Variants in SLC24A4 observed in about 807,000 individuals in gnomAD.
SLC24A4 encodes solute carrier family 24 member 4.
Under a neutral mutation model 79.0 loss-of-function variants are expected in SLC24A4, and 53 were observed. That is an observed-to-expected ratio of 0.67 (90% CI 0.54 to 0.84). The LOEUF is 0.84. SLC24A4 is among the 40% of genes least tolerant of loss of function. The pLI is 0.00. For synonymous variants in SLC24A4, 323 were observed against 323.8 expected, an observed-to-expected ratio of 1.00 and a Z score of 0.03; for missense variants, 731 against 822.0, an observed-to-expected ratio of 0.89 and a Z score of 1.35.
intron 2 of SLC24A4, among the ~76,000 whole-genome samples, chr14:92,334,548 T>G (rs973446145): frequency 1.3e-5 from 2 of 152,128 alleles, no homozygotes; most frequent in African/African-American, 4.8e-5. Context: ...TCTCCCTCCC[T>G]CTCTCTCTTT....
intron 2 of SLC24A4, among the ~76,000 whole-genome samples, chr14:92,423,501 G>A (rs1015138383): frequency 6.6e-6 from 1 of 152,114 alleles, no homozygotes; most frequent in Non-Finnish European, 1.5e-5. Context: ...GTCTAGTAGA[G>A]GTAAAGACAG....
intron 6 of SLC24A4, 128 bp from the exon 7 acceptor site, chr14:92,443,272 C>A (rs902919721): frequency 1.2e-6 from 1 of 805,036 alleles, no homozygotes. Context: ...AAAGAACAAG[C>A]GTGGCCTGGA....
At position 92,323,583 on chromosome 14, in the gene SLC24A4, G is replaced by A; in HGVS notation, c.-248G>A. On this transcript the variant is annotated 5_prime_UTR_variant, in exon 1 of 17. Transcript: ENST00000532405. This position sits in a 1 kb window ranked among gnomAD's most constrained non-coding sequence, Gnocchi z 4.9. ...CGTGCCGGCGTCGCCTCCTCGCCAC[G>A]GAGCCATGGTGCGCGCAGCGCGCAC... 3.1e-6 allele frequency: 1 copy of A among 326,632 alleles called. No homozygotes were observed. The highest frequency in any genetic ancestry group is 5.5e-6 in the Non-Finnish European group (1 of 182,854). 20.2% of individuals were successfully genotyped at this position (326,632 alleles called of 1,614,324 possible).
intron 2 of SLC24A4, among the ~76,000 whole-genome samples, chr14:92,408,166 AGT>A (rs143375295): frequency 0.054 from 7,416 of 136,600 alleles, 345 homozygotes; most frequent in African/African-American, 0.14. Flanking sequence ...TTGCTACAGC[AGT>A]GTGTGTGTGT....
At chr14:92,408,202 T>TGTGTGTGTGTGTG (rs33968349) in intron 2 of SLC24A4, among the ~76,000 whole-genome samples, 34 of 151,516 alleles carry the variant, frequency 2.2e-4, no homozygotes, top group South Asian at 6.3e-4. Flanking sequence ...TGTGTGTGTG[T>TGTGTGTGTGTGTG]TTCACATCCA....
At chr14:92,386,954 A>G (rs1400600069) in intron 2 of SLC24A4, among the ~76,000 whole-genome samples, 2 of 151,958 alleles carry the variant, frequency 1.3e-5, no homozygotes, top group Non-Finnish European at 2.9e-5. Flanking sequence ...ATGCACTTCA[A>G]CCTTGACCTT....
intron 2 of SLC24A4, among the ~76,000 whole-genome samples, chr14:92,431,832 C>T (rs929197558): frequency 3.3e-5 from 5 of 152,184 alleles, no homozygotes; most frequent in Admixed American, 6.5e-5. Flanking sequence ...CAAGCTCATG[C>T]GTAGTCGAGC....
At chr14:92,338,942 G>A (rs963790123) in intron 2 of SLC24A4, among the ~76,000 whole-genome samples, 1 of 152,198 alleles carries the variant, frequency 6.6e-6, no homozygotes, top group Non-Finnish European at 1.5e-5. Flanking sequence ...TCTGCTTATA[G>A]CGAATGATGA....
At chr14:92,491,199 A>G (rs1465027540) in intron 14 of SLC24A4, among the ~76,000 whole-genome samples, 1 of 152,228 alleles carries the variant, frequency 6.6e-6, no homozygotes, top group Non-Finnish European at 1.5e-5. Context: ...TATTTTTTCA[A>G]TAACTGTGAC....
At chr14:92,411,080 G>C (rs1234354022) in intron 2 of SLC24A4, among the ~76,000 whole-genome samples, 2 of 152,150 alleles carry the variant, frequency 1.3e-5, no homozygotes, top group African/African-American at 4.8e-5. Context: ...AGCCCTCTCA[G>C]TTACAAATGA....
At chr14:92,431,304 T>C (rs1891856750) in intron 2 of SLC24A4, among the ~76,000 whole-genome samples, 2 of 152,140 alleles carry the variant, frequency 1.3e-5, no homozygotes, top group Non-Finnish European at 2.9e-5. Flanking sequence ...TCTCCATTCG[T>C]AGGTGAGGGA....
intron 2 of SLC24A4, among the ~76,000 whole-genome samples, chr14:92,388,616 T>A (rs1208863198): frequency 6.6e-6 from 1 of 152,222 alleles, no homozygotes; most frequent in South Asian, 2.1e-4. Context: ...TTTGTATAGT[T>A]GTGGGGCAGG....
chr14:92,370,625 A>T (rs1218480025), intron 2 of SLC24A4, among the ~76,000 whole-genome samples: 1 of 152,212 alleles, frequency 6.6e-6, no homozygotes, highest in Non-Finnish European at 1.5e-5. Flanking sequence ...GTGAGATAGG[A>T]AGGTTCAAAA....
chr14:92,483,796 C>G, intron 13 of SLC24A4: 10 of 1,290,030 alleles, frequency 7.8e-6, no homozygotes, highest in Non-Finnish European at 1.0e-5. Context: ...ACTCTCAGCC[C>G]CTTACACCCT....
At chr14:92,371,996 T>C (rs1888195843) in intron 2 of SLC24A4, among the ~76,000 whole-genome samples, 2 of 152,186 alleles carry the variant, frequency 1.3e-5, no homozygotes, top group Admixed American at 1.3e-4. Context: ...ACCACCACCC[T>C]GTGCTGGGCT....
intron 12 of SLC24A4, among the ~76,000 whole-genome samples, chr14:92,458,330 GCCT>G (rs992152475): frequency 6.6e-6 from 1 of 152,186 alleles, no homozygotes; most frequent in Non-Finnish European, 1.5e-5. Context: ...GGCCTCCCAG[GCCT>G]CCTCTGCTGA....
intron 2 of SLC24A4, among the ~76,000 whole-genome samples, chr14:92,376,971 C>T (rs1464194695): frequency 1.3e-5 from 2 of 152,208 alleles, no homozygotes; most frequent in South Asian, 2.1e-4. Flanking sequence ...AGGCTGGGAA[C>T]ACTCGTCTGA....
chr14:92,428,363 A>G (rs1274396431), intron 2 of SLC24A4, among the ~76,000 whole-genome samples: 2 of 152,194 alleles, frequency 1.3e-5, no homozygotes, highest in Non-Finnish European at 2.9e-5. Context: ...CCAAATGAGA[A>G]GTAGGACTGG....
rs978011997 is a variant in SLC24A4 at position 92,449,177 on chromosome 14, G to A, written c.841G>A (p.Gly281Ser). The A allele has an allele frequency of 6.8e-6, 11 of 1,613,986 alleles. No individual in the cohort carries two copies. The highest frequency in any genetic ancestry group is 2.7e-5 in the African/African-American group (2 of 74,890). ...GGAGGCTGGTAATGATTTCTATGAC[G>A]GTAGCTATGATGACCCTTCCGTGCC... Reference protein sequence around the residue: ...ELEAGNDFYDGSYDDPSVPLL... With the variant: ...ELEAGNDFYDSSYDDPSVPLL... Residue 281 changes from glycine (G) to serine (S), a missense_variant, in exon 10 of 17, where the codon GGT (glycine) becomes AGT (serine). Transcript: ENST00000532405.
Sources: gnomAD v4.1 joint callset for allele counts (sites outside exome capture counted in the v4.1 genomes callset) on GRCh38, gnomAD v4.1.1 for gene constraint, Gnocchi (gnomAD v3.1) non-coding constraint, MANE v1.5 for transcripts, NCBI Gene and HGNC (gene_info 2026-07-23, HGNC 2026-07-21) for gene names.